MAF: variants seen among roughly 807,000 people sequenced by gnomAD.
MAF encodes transcription factor Maf.
Under a neutral mutation model 22.0 loss-of-function variants are expected in MAF, and 10 were observed. The ratio of observed to expected loss-of-function variants is 0.45; its 90% CI spans 0.28 to 0.77. MAF has a LOEUF of 0.77. MAF is among the 30% of genes least tolerant of loss of function. The probability of loss-of-function intolerance (pLI) is 0.12; values close to 1 mark genes in which losing one functional copy is unlikely to be tolerated. For synonymous variants in MAF, 337 were observed against 255.8 expected (o/e 1.32, Z -3.03); for missense variants, 544 against 548.4 (o/e 0.99, Z 0.08).
At chr16:79,327,022 G>A in the MAF span, among the ~76,000 whole-genome samples, 1 of 152,216 alleles carries the variant, frequency 6.6e-6, no homozygotes, top group Non-Finnish European at 1.5e-5. Flanking sequence ...TTTGGACCCC[G>A]GCATTCTGGC....
At chr16:79,354,325 G>A in the MAF span, among the ~76,000 whole-genome samples, 2 of 152,200 alleles carry the variant, frequency 1.3e-5, no homozygotes, top group South Asian at 4.2e-4. Flanking sequence ...GAAGGTCAGG[G>A]ATGCAACAGG....
At chr16:79,293,689 T>C in the MAF span, among the ~76,000 whole-genome samples, 1 of 152,180 alleles carries the variant, frequency 6.6e-6, no homozygotes. Flanking sequence ...TTAGTCTTGG[T>C]TGGTGTTCAC....
At chr16:79,365,506 C>G in the MAF span, among the ~76,000 whole-genome samples, 1 of 152,118 alleles carries the variant, frequency 6.6e-6, no homozygotes, top group Non-Finnish European at 1.5e-5. Context: ...GGTGGATGAT[C>G]TCTTCATTGC....
At chr16:79,508,148 T>G in the MAF span, among the ~76,000 whole-genome samples, 486 of 152,242 alleles carry the variant, frequency 3.2e-3, 2 homozygotes, top group African/African-American at 0.011. Context: ...GAGTCATTCA[T>G]TGCAAACCCT....
At chr16:79,300,178 G>C in the MAF span, among the ~76,000 whole-genome samples, 4 of 152,322 alleles carry the variant, frequency 2.6e-5, no homozygotes, top group South Asian at 8.3e-4. Flanking sequence ...TTGTTTCTAA[G>C]CTAGATAGGT....
the MAF span, among the ~76,000 whole-genome samples, chr16:79,441,743 G>A: frequency 1.3e-5 from 2 of 152,194 alleles, no homozygotes; most frequent in African/African-American, 4.8e-5. Context: ...AAGATGTTTT[G>A]GGGGGTTCGG....
the MAF span, among the ~76,000 whole-genome samples, chr16:79,384,833 C>T: frequency 6.0e-4 from 92 of 152,302 alleles, 1 homozygote; most frequent in Middle Eastern, 0.014. Flanking sequence ...AGAAGTTACA[C>T]GAATACTGTC....
At chr16:79,574,749 C>T in the MAF span, among the ~76,000 whole-genome samples, 3 of 152,170 alleles carry the variant, frequency 2.0e-5, no homozygotes, top group Admixed American at 6.5e-5. Flanking sequence ...CCCTGGGCAC[C>T]TTACCTGACT....
the MAF span, among the ~76,000 whole-genome samples, chr16:79,442,721 TC>T: frequency 9.9e-5 from 15 of 152,186 alleles, no homozygotes; most frequent in Non-Finnish European, 2.1e-4. Context: ...TGAATCTTTT[TC>T]ATATAAGAAA....
At chr16:79,559,123 C>T in the MAF span, among the ~76,000 whole-genome samples, 1 of 152,108 alleles carries the variant, frequency 6.6e-6, no homozygotes, top group Non-Finnish European at 1.5e-5. Context: ...AGTGTTGAGC[C>T]TGAGGACACT....
downstream of MAF, among the ~76,000 whole-genome samples, chr16:79,590,367 A>G (rs1913122031): frequency 6.6e-6 from 1 of 152,166 alleles, no homozygotes; most frequent in Admixed American, 6.5e-5. Context: ...CTGAGCTTCC[A>G]GTGATGCTCC....
chr16:79,426,745 T>C, the MAF span, among the ~76,000 whole-genome samples: 2 of 152,218 alleles, frequency 1.3e-5, no homozygotes, highest in Admixed American at 6.5e-5. Context: ...CTAGGCAAAG[T>C]GAATTCATAA....
chr16:79,222,803 A>G, the MAF span, among the ~76,000 whole-genome samples: 1 of 152,206 alleles, frequency 6.6e-6, no homozygotes, highest in African/African-American at 2.4e-5. Flanking sequence ...AAAGGGATCA[A>G]TGCAACAAGA....
At chr16:79,292,156 G>T in the MAF span, among the ~76,000 whole-genome samples, 11 of 152,162 alleles carry the variant, frequency 7.2e-5, no homozygotes, top group African/African-American at 2.7e-4. Context: ...AAGAAGACAT[G>T]TTGAAGTCAT....
At chr16:79,217,760 C>T in the MAF span, among the ~76,000 whole-genome samples, 1 of 152,186 alleles carries the variant, frequency 6.6e-6, no homozygotes, top group East Asian at 1.9e-4. Context: ...GACCTTGCTG[C>T]AACTTATCAA....
At chr16:79,235,091 T>C in the MAF span, among the ~76,000 whole-genome samples, 1 of 152,022 alleles carries the variant, frequency 6.6e-6, no homozygotes, top group Non-Finnish European at 1.5e-5. Flanking sequence ...ATAAAGACAA[T>C]GATAGCTGCT....
chr16:79,301,595 C>T, the MAF span, among the ~76,000 whole-genome samples: 10 of 116,634 alleles, frequency 8.6e-5, no homozygotes, highest in Admixed American at 6.8e-4. Flanking sequence ...CATTTAAATG[C>T]ATTTATTCAT....
chr16:79,349,561 T>G, the MAF span, among the ~76,000 whole-genome samples: 1 of 152,198 alleles, frequency 6.6e-6, no homozygotes, highest in Non-Finnish European at 1.5e-5. Context: ...CAGACTGACC[T>G]GGGTCTGCTC....
the MAF span, among the ~76,000 whole-genome samples, chr16:79,208,416 C>A: frequency 6.6e-6 from 1 of 152,020 alleles, no homozygotes; most frequent in African/African-American, 2.4e-5. Context: ...ACCCATAGCT[C>A]CAGCCAGTGT....
Sources: gnomAD v4.1 joint callset for allele counts (sites outside exome capture counted in the v4.1 genomes callset) on GRCh38, gnomAD v4.1.1 for gene constraint, MANE v1.5 for transcripts, NCBI Gene and HGNC (gene_info 2026-07-23, HGNC 2026-07-21) for gene names.